ADCY10: variants seen among roughly 807,000 people sequenced by gnomAD.
ADCY10 encodes adenylate cyclase type 10.
In ADCY10, 156 loss-of-function variants were observed where a neutral mutation model predicts 183.3. The ratio of observed to expected loss-of-function variants is 0.85; its 90% CI spans 0.75 to 0.97. The LOEUF is 0.97. Ranked by LOEUF, ADCY10 falls within the 50% of genes least tolerant of loss-of-function variation. The pLI is 0.00. For missense variants in ADCY10, 1,745 were observed against 1,934.3 expected (o/e 0.90, Z 1.84); for synonymous variants, 645 against 670.0 (o/e 0.96, Z 0.58).
intron 8 of ADCY10, among the ~76,000 whole-genome samples, chr1:167,890,623 G>A (rs1386133507): frequency 1.3e-5 from 2 of 152,168 alleles, no homozygotes; most frequent in East Asian, 3.9e-4. Flanking sequence ...AGCCAGCCAG[G>A]TTTGTGTCTT....
At chr1:167,821,819 T>C (rs1662930473) in intron 30 of ADCY10, among the ~76,000 whole-genome samples, 1 of 152,232 alleles carries the variant, frequency 6.6e-6, no homozygotes, top group Non-Finnish European at 1.5e-5. Context: ...ATGGATGTAA[T>C]TGAGATAAAT....
chr1:167,870,108 T>C (rs1224327662), intron 14 of ADCY10, 149 bp downstream of exon 14: 1 of 854,548 alleles, frequency 1.2e-6, no homozygotes, highest in Non-Finnish European at 1.9e-6. Flanking sequence ...GTGTTTATTG[T>C]TAGTTATCTA....
At chr1:167,894,043 T>C (rs1019341700) in intron 7 of ADCY10, 102 bp from the exon 8 acceptor site, 30 of 786,836 alleles carry the variant, frequency 3.8e-5, no homozygotes, top group Non-Finnish European at 4.4e-6. Context: ...GCAGTGGGCC[T>C]TCTTGTCCTT....
rs896855097 is a variant in ADCY10, at chr1:167,832,893, T to A, written c.3593+94A>T. On this transcript the variant is annotated intron_variant, in intron 25 of 32. Transcript: ENST00000367851. ...GCCAAACAGGAGTCCTTGTGCCCCC[T>A]GGAGGCCAGGCTTTGGGGGCTGACT... The A allele has an allele frequency of 1.5e-5, 20 of 1,367,392 alleles. No individual in the cohort carries two copies. The African/African-American group carries it at 2.9e-4, about 20-fold the overall frequency. 84.7% of individuals were successfully genotyped at this position (1,367,392 alleles called of 1,614,324 possible).
intron 6 of ADCY10, among the ~76,000 whole-genome samples, chr1:167,897,357 T>C (rs1240472789): frequency 1.4e-5 from 2 of 147,502 alleles, no homozygotes; most frequent in African/African-American, 2.5e-5. Context: ...ATTAGCCAGG[T>C]GTAGTGGCAC....
At chr1:167,880,394 A>T in intron 10 of ADCY10, 97 bp downstream of exon 10, 1 of 1,047,490 alleles carries the variant, frequency 9.5e-7, no homozygotes, top group Middle Eastern at 2.0e-4. Flanking sequence ...CTAAGTTCTT[A>T]ATTAATTCTT....
intron 2 of ADCY10, among the ~76,000 whole-genome samples, chr1:167,904,310 A>G (rs1669670453): frequency 6.6e-6 from 1 of 151,614 alleles, no homozygotes; most frequent in African/African-American, 2.4e-5. Flanking sequence ...ATGGTCTCGA[A>G]CTCCTGACCT....
intron 31 of ADCY10, among the ~76,000 whole-genome samples, chr1:167,815,709 G>A (rs1662490418): frequency 6.6e-6 from 1 of 152,178 alleles, no homozygotes; most frequent in South Asian, 2.1e-4. Flanking sequence ...ACATGACAGG[G>A]ATGTTGAAAT....
chr1:167,835,770 G>T (rs942835860), intron 23 of ADCY10, among the ~76,000 whole-genome samples: 2 of 152,250 alleles, frequency 1.3e-5, no homozygotes, highest in African/African-American at 4.8e-5. Context: ...TACGTCTGCA[G>T]TCCCAGCTAC....
At chr1:167,867,501 C>T (rs916946255) in intron 14 of ADCY10, among the ~76,000 whole-genome samples, 16 of 152,088 alleles carry the variant, frequency 1.1e-4, no homozygotes, top group African/African-American at 3.1e-4. Context: ...TATAAGTGTA[C>T]GAGGACTCTA....
At chr1:167,884,843 A>G (rs1208797384) in intron 8 of ADCY10, among the ~76,000 whole-genome samples, 3 of 151,924 alleles carry the variant, frequency 2.0e-5, no homozygotes, top group East Asian at 3.9e-4. Context: ...GATTGCAGGC[A>G]TGCACCACCA....
rs764810425 is a variant in ADCY10, at chr1:167,901,840, G to A, written c.293-35C>T. ...GAGACATGCCGCGGGCTTTTGACCT[G>A]CCCTGGGGATCAATCTATTTTGTAT... On this transcript the variant is annotated intron_variant, in intron 4 of 32. Transcript: ENST00000367851. 14 of 1,614,112 alleles carry A rather than the reference G, an allele frequency of 8.7e-6. No individual in the cohort carries two copies. The Admixed American group carries it at 1.8e-4, about 21-fold the overall frequency.
intron 3 of ADCY10, among the ~76,000 whole-genome samples, chr1:167,902,352 G>A (rs1042893087): frequency 1.3e-5 from 2 of 152,146 alleles, no homozygotes; most frequent in South Asian, 2.1e-4. Context: ...CTCCTCCCAC[G>A]ATAATGGAAT....
At position 167,901,763 on chromosome 1, in the gene ADCY10, A is replaced by C; in HGVS notation, c.335T>G (p.Leu112Arg). 6.2e-7 allele frequency: 1 copy of C among 1,614,202 alleles called. No homozygotes were observed. The highest frequency in any genetic ancestry group is 1.1e-5 in the South Asian group (1 of 91,088). ...LALWRVERKQ[L>R]KNIITVVIKC... ...AATTACCACTGTGATAATGTTTTTC[A>C]GCTGCTTTCGCTCCACCCTCCACAG... The change falls in exon 5 of 33, where the codon CTG becomes CGG. Residue 112 changes from leucine to arginine, a missense_variant. Physicochemically the swap from Leu to Arg is moderately radical, Grantham distance 102. Transcript: ENST00000367851.
chr1:167,812,766 A>C (rs1287816439), intron 31 of ADCY10, among the ~76,000 whole-genome samples: 2 of 152,344 alleles, frequency 1.3e-5, no homozygotes, highest in East Asian at 3.9e-4. Flanking sequence ...GATAAAGTCA[A>C]GTAATTGATG....
intron 17 of ADCY10, 117 bp downstream of exon 17, chr1:167,856,048 G>T: frequency 8.4e-7 from 1 of 1,188,592 alleles, no homozygotes; most frequent in Non-Finnish European, 1.2e-6. Flanking sequence ...TAAAAGGTGG[G>T]GCCAGGAAAG....
intron 12 of ADCY10, among the ~76,000 whole-genome samples, chr1:167,877,812 G>A (rs567521690): frequency 1.3e-5 from 2 of 152,212 alleles, no homozygotes; most frequent in South Asian, 2.1e-4. Flanking sequence ...AATTGACTGC[G>A]GTTTTCCCAA....
chr1:167,822,871 C>T, intron 29 of ADCY10, 137 bp downstream of exon 29: 1 of 764,614 alleles, frequency 1.3e-6, no homozygotes, highest in Middle Eastern at 2.3e-4. Flanking sequence ...ACACAACCAG[C>T]CTCTCTCCAT....
intron 5 of ADCY10, among the ~76,000 whole-genome samples, chr1:167,899,833 C>T (rs1369907399): frequency 6.6e-6 from 1 of 152,174 alleles, no homozygotes; most frequent in Non-Finnish European, 1.5e-5. Context: ...CTAGAAAGTT[C>T]TACCACTAAA....
Sources: allele counts gnomAD v4.1 joint callset (sites outside exome capture counted in the v4.1 genomes callset), GRCh38; gene constraint gnomAD v4.1.1; transcripts MANE v1.5; gene names NCBI Gene and HGNC (gene_info 2026-07-23, HGNC 2026-07-21).